The following ATF7IP variants were observed in gnomAD, a reference collection of about 807,000 sequenced individuals.
ATF7IP encodes the protein activating transcription factor 7 interacting protein.
In ATF7IP, 23 loss-of-function variants were observed where a neutral mutation model predicts 106.4. That is an observed-to-expected ratio of 0.22 (90% confidence interval 0.16 to 0.31). The LOEUF (loss-of-function observed/expected upper bound fraction) is 0.31, where lower values mean the gene tolerates loss of function less well. Among genes scored for constraint, ATF7IP ranks in the 10% least tolerant of loss-of-function variants. ATF7IP has a pLI of 1.00. For missense variants in ATF7IP, 1,334 were observed against 1,524.3 expected (o/e 0.88, Z 2.08); for synonymous variants, 542 against 539.0 (o/e 1.01, Z -0.08).
At chr12:14,372,345 A>G (rs930424567) in intron 1 of ATF7IP, among the ~76,000 whole-genome samples, 11 of 152,074 alleles carry the variant, frequency 7.2e-5, no homozygotes, top group South Asian at 4.1e-4. Context: ...GTTAAGAATA[A>G]GTAGATCAGG....
At chr12:14,467,145 G>C (rs1275623466) in intron 10 of ATF7IP, among the ~76,000 whole-genome samples, 1 of 152,016 alleles carries the variant, frequency 6.6e-6, no homozygotes. Context: ...TATTAACAGT[G>C]TTCTTCCTTG....
chr12:14,403,386 G>A (rs74877426), intron 1 of ATF7IP, among the ~76,000 whole-genome samples: 4,206 of 151,890 alleles, frequency 0.028, 99 homozygotes, highest in Non-Finnish European at 0.039. Flanking sequence ...TGAGGATAAA[G>A]GAATTAGAAG....
intron 13 of ATF7IP, among the ~76,000 whole-genome samples, chr12:14,483,604 G>A (rs1482546905): frequency 1.3e-5 from 2 of 152,076 alleles, no homozygotes; most frequent in Admixed American, 6.5e-5. Flanking sequence ...GATCCCTAGG[G>A]GTGAAGGTGA....
intron 1 of ATF7IP, among the ~76,000 whole-genome samples, chr12:14,380,809 G>A (rs1474383092): frequency 1.3e-5 from 2 of 152,086 alleles, no homozygotes; most frequent in Admixed American, 1.3e-4. Flanking sequence ...TAGTAGAGAC[G>A]GGGTTTTGCC....
chr12:14,377,682 C>T (rs562342636), intron 1 of ATF7IP, among the ~76,000 whole-genome samples: 28 of 151,566 alleles, frequency 1.8e-4, no homozygotes, highest in Admixed American at 3.3e-4. Flanking sequence ...GGCGTGATCT[C>T]GGCTCACTCC....
chr12:14,436,277 A>G (rs772614588), intron 4 of ATF7IP, 26 bp downstream of exon 4: 2 of 1,587,888 alleles, frequency 1.3e-6, no homozygotes, highest in Non-Finnish European at 1.7e-6. Flanking sequence ...TAAGTTATAA[A>G]CCATATTGAA....
intron 13 of ATF7IP, among the ~76,000 whole-genome samples, chr12:14,487,026 T>C (rs575387847): frequency 2.0e-5 from 3 of 152,340 alleles, no homozygotes; most frequent in South Asian, 4.1e-4. Flanking sequence ...GATCCCTTCC[T>C]CTACATTAAC....
chr12:14,490,795 C>A (rs1340416004), intron 13 of ATF7IP, among the ~76,000 whole-genome samples: 3 of 152,136 alleles, frequency 2.0e-5, no homozygotes, highest in Non-Finnish European at 2.9e-5. Flanking sequence ...CGCACCTGCT[C>A]GAACCCAATC....
In ATF7IP at chr12:14,424,497, C is replaced by G; in HGVS notation, c.582C>G (p.Ala194=). ...CTGGTGATGCCACCTCTGGTGATGC[C>G]ACTGCTGATGATCTCTCCTCTGGTG... ...VSPGDATSGD[A]TADDLSSGDP... The change falls in exon 2 of 15, where the codon GCC becomes GCG. Residue 194 remains alanine (A), a synonymous_variant. Transcript: ENST00000261168. 1 of 1,613,972 alleles carries G rather than the reference C, an allele frequency of 6.2e-7. No individual in the cohort carries two copies. The highest frequency in any genetic ancestry group is 8.5e-7 in the Non-Finnish European group (1 of 1,179,964).
At chr12:14,379,342 A>G (rs150574171) in intron 1 of ATF7IP, among the ~76,000 whole-genome samples, 2 of 152,106 alleles carry the variant, frequency 1.3e-5, no homozygotes, top group Non-Finnish European at 2.9e-5. Flanking sequence ...GAGCAGATAC[A>G]CTGTACTTCC....
chr12:14,485,042 C>T (rs1011531517), intron 13 of ATF7IP, among the ~76,000 whole-genome samples: 1 of 152,060 alleles, frequency 6.6e-6, no homozygotes, highest in African/African-American at 2.4e-5. Context: ...TCCTGGAGGC[C>T]TCCACTGTGA....
intron 1 of ATF7IP, among the ~76,000 whole-genome samples, chr12:14,402,001 C>G (rs1419868142): frequency 6.6e-6 from 1 of 151,610 alleles, no homozygotes; most frequent in Admixed American, 6.6e-5. Flanking sequence ...CGTGAGCCAC[C>G]GCGCCTGGCC....
intron 1 of ATF7IP, among the ~76,000 whole-genome samples, chr12:14,419,580 G>A (rs1941383207): frequency 6.6e-6 from 1 of 151,934 alleles, no homozygotes; most frequent in African/African-American, 2.4e-5. Context: ...TTGTAGTTTT[G>A]GAATTAGTAA....
intron 1 of ATF7IP, among the ~76,000 whole-genome samples, chr12:14,394,310 A>G (rs755789959): frequency 7.2e-5 from 11 of 152,208 alleles, no homozygotes; most frequent in Non-Finnish European, 1.2e-4. Flanking sequence ...TCTGTGCCAT[A>G]AGTAAGCTAA....
intron 1 of ATF7IP, chr12:14,408,440 A>T (rs752250407): frequency 6.6e-6 from 1 of 152,144 alleles, no homozygotes; most frequent in Non-Finnish European, 1.5e-5. Flanking sequence ...GATTGGTTAC[A>T]TGATGCTGCT....
chr12:14,443,114 C>G (rs1358596587), intron 5 of ATF7IP, among the ~76,000 whole-genome samples: 1 of 151,958 alleles, frequency 6.6e-6, no homozygotes, highest in Non-Finnish European at 1.5e-5. Flanking sequence ...AAGATTGTGC[C>G]CTTGCATTCC....
intron 1 of ATF7IP, among the ~76,000 whole-genome samples, chr12:14,405,403 C>CTTTTTT (rs145211652): frequency 3.2e-4 from 27 of 83,568 alleles, no homozygotes; most frequent in East Asian, 8.9e-4. Flanking sequence ...TTTCTTTCAT[C>CTTTTTT]TTTTTTTTTT....
intron 1 of ATF7IP, among the ~76,000 whole-genome samples, chr12:14,398,997 TG>T (rs1483736026): frequency 1.6e-4 from 25 of 152,266 alleles, no homozygotes; most frequent in African/African-American, 6.0e-4. Context: ...TCTTTATTTT[TG>T]CCCCATATTC....
At chr12:14,371,121 T>A (rs1938517978) in intron 1 of ATF7IP, among the ~76,000 whole-genome samples, 1 of 152,078 alleles carries the variant, frequency 6.6e-6, no homozygotes, top group South Asian at 2.1e-4. Flanking sequence ...AAAAAGATTA[T>A]CTTGATTAAT....
Sources: gnomAD v4.1 joint callset for allele counts (sites outside exome capture counted in the v4.1 genomes callset) on GRCh38, gnomAD v4.1.1 for gene constraint, MANE v1.5 for transcripts, NCBI Gene and HGNC (gene_info 2026-07-23, HGNC 2026-07-21) for gene names.